Variants in ZNF420 observed in about 807,000 individuals in gnomAD.
The protein encoded by ZNF420 is ATM and p53-associated KZNF protein.
Under a neutral mutation model 44.7 loss-of-function variants are expected in ZNF420, and 31 were observed. That is an observed-to-expected ratio of 0.69 (90% CI 0.52 to 0.94). The LOEUF (loss-of-function observed/expected upper bound fraction) is 0.94. ZNF420 is among the 40% of genes least tolerant of loss of function. The pLI, the probability that ZNF420 is intolerant of heterozygous loss-of-function variation, is 0.00. For synonymous variants in ZNF420, 245 were observed against 267.4 expected (o/e 0.92, Z 0.82); for missense variants, 681 against 827.9 (o/e 0.82, Z 2.18).
chr19:37,030,305 G>T (rs1046734113), intron 1 of ZNF420, among the ~76,000 whole-genome samples: 25 of 152,122 alleles, frequency 1.6e-4, no homozygotes, highest in Admixed American at 3.3e-4. Flanking sequence ...GTGATTACAG[G>T]CGTGTGCCAA....
intron 1 of ZNF420, among the ~76,000 whole-genome samples, chr19:37,016,791 TGG>T (rs2074611973): frequency 6.6e-6 from 1 of 152,186 alleles, no homozygotes; most frequent in African/African-American, 2.4e-5. Context: ...AGGATGATTT[TGG>T]TAGTAGGGCC....
intron 1 of ZNF420, among the ~76,000 whole-genome samples, chr19:37,020,499 C>T (rs1333831302): frequency 6.6e-6 from 1 of 152,190 alleles, no homozygotes; most frequent in Admixed American, 6.5e-5. Flanking sequence ...TGGCCTAAAT[C>T]GGCCAGAAGC....
At chr19:37,112,869 C>T (rs35692141) in intron 4 of ZNF420, among the ~76,000 whole-genome samples, 2,930 of 152,280 alleles carry the variant, frequency 0.019, 77 homozygotes, top group East Asian at 0.05. Flanking sequence ...CTACAGTCCC[C>T]TCAGGCCGTG....
At position 37,067,224 on chromosome 19, in the gene ZNF420, T is replaced by A. The variant is rs142704535; in HGVS notation, c.-124-13121T>A. 2.6e-3 allele frequency among the ~76,000 whole-genome samples: 397 copies of A among 152,288 alleles called. 3 individuals are homozygous for A. Among genetic ancestry groups the A allele is most frequent in the African/African-American group, 9.2e-3 (382 of 41,576 alleles). On this transcript the variant is annotated intron_variant, in intron 1 of 4. Transcript: ENST00000587029. ...TTTCTTCACTTTGACAGGATTTTGG[T>A]TTGCACAAGTATTTGAATCTGTCAA...
Position 37,020,274 on chromosome 19 carries a change from A to C in ZNF420, c.-125+12192A>C, listed in dbSNP as rs536071362. On this transcript the variant is annotated intron_variant, in intron 1 of 4. Transcript: ENST00000587029. ...ATTAAAAACTGCCTAAATCCAGCCC[A>C]AAAACACAACATAATGGCTAATGTC... Among the ~76,000 whole-genome samples, 43 of 152,090 alleles carry C rather than the reference A, an allele frequency of 2.8e-4. 1 individual carries two copies. The South Asian group carries it at 5.0e-3, about 18-fold the overall frequency.
intron 1 of ZNF420, among the ~76,000 whole-genome samples, chr19:37,058,931 G>A (rs1237114203): frequency 6.6e-6 from 1 of 152,220 alleles, no homozygotes; most frequent in Non-Finnish European, 1.5e-5. Flanking sequence ...TCCTCCAAGG[G>A]AGAAGGGAGG....
chr19:37,091,091 T>C lies in ZNF420; in HGVS notation c.106T>C (p.Leu36=). The change falls in exon 4 of 5, where the codon TTG becomes CTG. Residue 36 remains leucine (L), a synonymous_variant. Coordinates refer to ENST00000337995, the MANE Select transcript of ZNF420 (RefSeq NM_144689.5). ...GAGAGATTTGTATAGAGATGTGATG[T>C]TGGAGAACTATAGCAACTTGGTATC... is the stretch of plus-strand genomic sequence containing the variant. ...AQRDLYRDVM[L]ENYSNLVSLD... 2 of 1,602,420 alleles carry C rather than the reference T, an allele frequency of 1.2e-6. No homozygotes were observed. The highest frequency in any genetic ancestry group is 2.3e-5 in the South Asian group (2 of 87,268).
chr19:37,082,640 A>G (rs539604707), intron 2 of ZNF420, among the ~76,000 whole-genome samples: 1 of 152,324 alleles, frequency 6.6e-6, no homozygotes, highest in Non-Finnish European at 1.5e-5. Context: ...TTTCAAAATA[A>G]CAATACCAAT....
At chr19:37,037,714 T>G (rs1232501009) in intron 1 of ZNF420, among the ~76,000 whole-genome samples, 1 of 150,358 alleles carries the variant, frequency 6.7e-6, no homozygotes. Flanking sequence ...CTCAATAGCA[T>G]GCCTCAATAG....
intron 4 of ZNF420, among the ~76,000 whole-genome samples, chr19:37,122,702 A>T (rs1268910733): frequency 6.6e-6 from 1 of 152,092 alleles, no homozygotes; most frequent in African/African-American, 2.4e-5. Flanking sequence ...ATTCCTTCTT[A>T]GTCTCCATTG....
chr19:37,076,926 C>A (rs2146463693), upstream of ZNF420, among the ~76,000 whole-genome samples: 1 of 152,270 alleles, frequency 6.6e-6, no homozygotes, highest in Non-Finnish European at 1.5e-5. Flanking sequence ...ATAGCTATGC[C>A]TGATCACACA....
intron 1 of ZNF420, among the ~76,000 whole-genome samples, chr19:37,033,506 G>T (rs1327937327): frequency 6.6e-6 from 1 of 152,116 alleles, no homozygotes. Context: ...TTATGTCAAG[G>T]TTCATCCATG....
At chr19:37,113,260 T>C (rs759831947) in intron 4 of ZNF420, among the ~76,000 whole-genome samples, 3 of 152,232 alleles carry the variant, frequency 2.0e-5, no homozygotes, top group African/African-American at 7.2e-5. Flanking sequence ...TGAATAGTTA[T>C]ATTTTGTTTA....
At chr19:37,085,936 T>TTTTTTATTATTATTA (rs113953981) in intron 2 of ZNF420, among the ~76,000 whole-genome samples, 22 of 137,756 alleles carry the variant, frequency 1.6e-4, no homozygotes, top group African/African-American at 6.0e-4. Flanking sequence ...TGGCTGATGT[T>TTTTTTATTATTATTA]TTATTATTAT....
chr19:37,121,164 C>G (rs1173609408), intron 4 of ZNF420, among the ~76,000 whole-genome samples: 1 of 146,508 alleles, frequency 6.8e-6, no homozygotes, highest in East Asian at 1.9e-4. Context: ...CCCGCATTGC[C>G]AAGTCAATCC....
intron 4 of ZNF420, among the ~76,000 whole-genome samples, chr19:37,095,589 TTTTTCTTTTC>T (rs944668699): frequency 2.0e-5 from 3 of 152,032 alleles, no homozygotes; most frequent in African/African-American, 7.2e-5. Context: ...TGGTTTTATT[TTTTTCTTTTC>T]TTTTCTTTTC....
chr19:37,127,823 C>T lies in ZNF420; in HGVS notation c.832C>T (p.Leu278Phe). The part of the protein sequence containing the change: ...LHQRLHTGEK[L>F]YECKECRKVF... ...CCAGAGACTTCATACTGGTGAAAAGCTCTATGAATGTAAAGAATGTAGGAA... is the reference window on the plus strand; with the variant it reads ...CCAGAGACTTCATACTGGTGAAAAGTTCTATGAATGTAAAGAATGTAGGAA... The change falls in exon 5 of 5, where the codon CTC becomes TTC. Residue 278 changes from leucine to phenylalanine, a missense_variant. Transcript: ENST00000337995. 1 of 1,613,776 alleles carries T rather than the reference C, an allele frequency of 6.2e-7. No homozygotes were observed. The highest frequency in any genetic ancestry group is 1.1e-5 in the South Asian group (1 of 91,070).
At chr19:37,112,868 C>A (rs1423154132) in intron 4 of ZNF420, among the ~76,000 whole-genome samples, 1 of 152,192 alleles carries the variant, frequency 6.6e-6, no homozygotes, top group Non-Finnish European at 1.5e-5. Flanking sequence ...CCTACAGTCC[C>A]CTCAGGCCGT....
intron 2 of ZNF420, among the ~76,000 whole-genome samples, chr19:37,087,295 AAATAAATAAAT>A (rs1568446903): frequency 1.1e-4 from 7 of 65,336 alleles, no homozygotes; most frequent in African/African-American, 4.0e-4. Context: ...AAAAAAAAAT[AAATAAATAAAT>A]AAATAAATAA....
Sources: allele counts gnomAD v4.1 joint callset (sites outside exome capture counted in the v4.1 genomes callset), GRCh38; gene constraint gnomAD v4.1.1; transcripts MANE v1.5; gene names NCBI Gene and HGNC (gene_info 2026-07-23, HGNC 2026-07-21).